FHIT: variants seen among roughly 807,000 people sequenced by gnomAD.
FHIT encodes the protein bis(5'-adenosyl)-triphosphatase.
FHIT carries 19 observed loss-of-function variants against 17.9 expected under a neutral mutation model. That is an observed-to-expected ratio of 1.06 (90% CI 0.74 to 1.56). The LOEUF (loss-of-function observed/expected upper bound fraction) is 1.56. FHIT is among the 40% of genes most tolerant of loss of function. The pLI is 0.00. For synonymous variants in FHIT, 81 were observed against 69.7 expected (o/e 1.16, Z -0.81); for missense variants, 248 against 189.2 (o/e 1.31, Z -1.82).
At chr3:59,836,252 T>C (rs539158643) in intron 8 of FHIT, among the ~76,000 whole-genome samples, 2 of 152,278 alleles carry the variant, frequency 1.3e-5, no homozygotes, top group East Asian at 3.9e-4. Context: ...CAGGTTGAGC[T>C]CCTTTGCACG....
intron 3 of FHIT, among the ~76,000 whole-genome samples, chr3:60,893,206 A>G (rs992983708): frequency 6.6e-5 from 10 of 152,116 alleles, no homozygotes; most frequent in Non-Finnish European, 1.3e-4. Flanking sequence ...AACTCCAGGA[A>G]CCAGCCTTGG....
At chr3:60,346,074 A>G (rs1034458023) in intron 5 of FHIT, among the ~76,000 whole-genome samples, 2 of 152,224 alleles carry the variant, frequency 1.3e-5, no homozygotes, top group Non-Finnish European at 2.9e-5. Context: ...TTAACGTAAT[A>G]GAGAAAGTCC....
At chr3:60,358,310 A>G (rs1699758622) in intron 5 of FHIT, among the ~76,000 whole-genome samples, 1 of 152,200 alleles carries the variant, frequency 6.6e-6, no homozygotes, top group African/African-American at 2.4e-5. Context: ...CTAGAGATGT[A>G]TTTGGCTGAG....
chr3:60,166,876 A>C (rs962759769), intron 5 of FHIT, among the ~76,000 whole-genome samples: 2 of 152,202 alleles, frequency 1.3e-5, no homozygotes, highest in African/African-American at 4.8e-5. Flanking sequence ...AAGAGCAAGC[A>C]GCAAGGGCCT....
At chr3:60,070,295 T>C (rs552233106) in intron 5 of FHIT, among the ~76,000 whole-genome samples, 2 of 152,200 alleles carry the variant, frequency 1.3e-5, no homozygotes, top group Non-Finnish European at 2.9e-5. Flanking sequence ...TGTCTGTCTC[T>C]ACATCACCAT....
intron 5 of FHIT, 194 bp downstream of exon 5, chr3:60,536,666 T>C: frequency 1.9e-6 from 1 of 513,710 alleles, no homozygotes. Context: ...ATCAAGCATA[T>C]TACTGGTGCC....
chr3:60,312,450 G>T (rs927348586), intron 5 of FHIT, among the ~76,000 whole-genome samples: 2 of 152,124 alleles, frequency 1.3e-5, no homozygotes, highest in East Asian at 3.9e-4. Flanking sequence ...GCCACAAAAT[G>T]TATTTCTTAC....
intron 2 of FHIT, among the ~76,000 whole-genome samples, chr3:61,130,219 G>A (rs548465566): frequency 1.3e-5 from 2 of 152,256 alleles, no homozygotes; most frequent in East Asian, 3.9e-4. Context: ...AAAAAGAAAC[G>A]TCTGCTACCT....
At chr3:59,855,064 G>A (rs1038343035) in intron 8 of FHIT, among the ~76,000 whole-genome samples, 3 of 152,164 alleles carry the variant, frequency 2.0e-5, no homozygotes, top group Non-Finnish European at 4.4e-5. Context: ...AATACTAATT[G>A]CACTCAGTAC....
intron 5 of FHIT, among the ~76,000 whole-genome samples, chr3:60,104,226 T>C (rs1023200060): frequency 6.6e-6 from 1 of 152,174 alleles, no homozygotes; most frequent in Non-Finnish European, 1.5e-5. Flanking sequence ...AGTGGTCACG[T>C]AGCCATAAGA....
intron 2 of FHIT, among the ~76,000 whole-genome samples, chr3:61,110,658 C>G (rs2036131995): frequency 6.6e-6 from 1 of 152,062 alleles, no homozygotes; most frequent in Non-Finnish European, 1.5e-5. Flanking sequence ...GCAGGCTGAC[C>G]AACTCTTTAC....
chr3:60,380,867 G>A (rs561988054), intron 5 of FHIT, among the ~76,000 whole-genome samples: 2 of 152,260 alleles, frequency 1.3e-5, no homozygotes, highest in South Asian at 4.1e-4. Context: ...AACATGACTA[G>A]AGGCTTTACA....
At chr3:60,303,734 T>G (rs766443555) in intron 5 of FHIT, among the ~76,000 whole-genome samples, 1 of 152,158 alleles carries the variant, frequency 6.6e-6, no homozygotes, top group Admixed American at 6.5e-5. Flanking sequence ...GAGCATCACC[T>G]AGAACCTCCG....
At chr3:61,225,223 T>G (rs181577678) in intron 1 of FHIT, among the ~76,000 whole-genome samples, 2 of 152,316 alleles carry the variant, frequency 1.3e-5, no homozygotes, top group Non-Finnish European at 2.9e-5. Flanking sequence ...GACCACCAGA[T>G]GCTTATTCAA....
At chr3:59,946,929 G>T (rs895044484) in intron 7 of FHIT, among the ~76,000 whole-genome samples, 9 of 152,168 alleles carry the variant, frequency 5.9e-5, no homozygotes, top group Admixed American at 4.6e-4. Context: ...TTTGGTTGCG[G>T]ATTTTTATAT....
intron 3 of FHIT, among the ~76,000 whole-genome samples, chr3:60,955,635 C>CATATATATATATGTATATATATACAT (rs1553778580): frequency 2.1e-5 from 1 of 48,346 alleles, no homozygotes; most frequent in African/African-American, 7.3e-5. Context: ...TATATATATA[C>CATATATATATATGTATATATATACAT]ACACACACAC....
chr3:60,210,718 G>C lies in FHIT; in HGVS notation c.104-196566C>G, dbSNP rs150324097. Among the ~76,000 whole-genome samples, 102 of 152,178 alleles carry C rather than the reference G, an allele frequency of 6.7e-4. No individual in the cohort carries two copies. The East Asian group carries it at 0.019, about 28-fold the overall frequency. ...CTAATATAACATTCCTCACCTATCT[G>C]ACAGGAAAGTCTTAAAGTTCAACAA... On this transcript the variant is annotated intron_variant, in intron 5 of 9. Transcript: ENST00000492590.
chr3:60,183,820 G>GT (rs201194547), intron 5 of FHIT, among the ~76,000 whole-genome samples: 714 of 152,060 alleles, frequency 4.7e-3, no homozygotes, highest in African/African-American at 0.016. Context: ...CAGCGTTAAC[G>GT]TTTTTACTTT....
intron 9 of FHIT, chr3:59,751,229 C>T (rs2106723574): frequency 1.3e-5 from 1 of 74,652 alleles, no homozygotes. Context: ...GAGATAGATA[C>T]ATTTCTCTCT....
Sources: gnomAD v4.1 joint callset for allele counts (sites outside exome capture counted in the v4.1 genomes callset) on GRCh38, gnomAD v4.1.1 for gene constraint, MANE v1.5 for transcripts, NCBI Gene and HGNC (gene_info 2026-07-23, HGNC 2026-07-21) for gene names.